The following KPNA5 variants were observed in gnomAD, a reference collection of about 807,000 sequenced individuals.
The protein encoded by KPNA5 is importin subunit alpha-6.
A neutral mutation model predicts 71.3 loss-of-function variants in KPNA5; 46 were observed. That is an observed-to-expected ratio of 0.65 (90% CI 0.51 to 0.83). The LOEUF (loss-of-function observed/expected upper bound fraction) is 0.83, where lower values mean the gene tolerates loss of function less well. Among genes scored for constraint, KPNA5 ranks in the 40% least tolerant of loss-of-function variants. KPNA5 has a pLI of 0.00. For synonymous variants in KPNA5, 207 were observed against 201.4 expected (o/e 1.03, Z -0.24); for missense variants, 547 against 628.3 (o/e 0.87, Z 1.38).
In KPNA5 at chr6:116,725,896, G is replaced by A. The variant is rs1173656638; in HGVS notation, c.1125+20G>A. 5.6e-6 allele frequency: 9 copies of A among 1,608,452 alleles called. No individual in the cohort carries two copies. Among genetic ancestry groups the A allele is most frequent in the Non-Finnish European group, 5.9e-6 (7 of 1,178,112 alleles). On this transcript the variant is annotated intron_variant, in intron 11 of 13. Coordinates refer to ENST00000368564, the MANE Select transcript of KPNA5 (RefSeq NM_001366306.2). ...ATTCAGGTAACTACCCTTCAGATCT[G>A]AGAGTAGAACAGCAAGGTCTAAGAA...
rs561792308 is a variant in KPNA5 at position 116,732,393 on chromosome 6, A to T, written c.*70A>T. On this transcript the variant is annotated 3_prime_UTR_variant, in exon 14 of 14. Transcript: ENST00000368564. ...GGTAACTCCTCTTTGTTGCCAATGTAAGAATGTTTGTTTTTTTACATAGAA... is the reference window on the plus strand; with the variant it reads ...GGTAACTCCTCTTTGTTGCCAATGTTAGAATGTTTGTTTTTTTACATAGAA... 12 of 851,520 alleles carry T rather than the reference A, an allele frequency of 1.4e-5. No homozygotes were observed. The East Asian group carries it at 3.1e-4, about 22-fold the overall frequency. The allele number at this position is 851,520 out of a possible 1,614,324, so 52.7% of individuals were successfully genotyped here.
intron 6 of KPNA5, among the ~76,000 whole-genome samples, chr6:116,704,058 GAC>G (rs1034498118): frequency 6.7e-6 from 1 of 149,548 alleles, no homozygotes; most frequent in Non-Finnish European, 1.5e-5. Context: ...TTTTTTTTGA[GAC>G]AGAGTCTTGC....
At chr6:116,705,681 A>G (rs1053679816) in intron 7 of KPNA5, among the ~76,000 whole-genome samples, 2 of 152,158 alleles carry the variant, frequency 1.3e-5, no homozygotes, top group African/African-American at 2.4e-5. Flanking sequence ...ATGACATAAA[A>G]TTTTTTGAAA....
At chr6:116,695,286 CT>C (rs528142312) in intron 4 of KPNA5, among the ~76,000 whole-genome samples, 26 of 150,498 alleles carry the variant, frequency 1.7e-4, no homozygotes, top group East Asian at 9.7e-4. Flanking sequence ...CATTATTTGG[CT>C]TTTTTTTTGT....
At chr6:116,729,075 G>A (rs888508182) in intron 12 of KPNA5, among the ~76,000 whole-genome samples, 5 of 151,118 alleles carry the variant, frequency 3.3e-5, no homozygotes, top group African/African-American at 1.2e-4. Flanking sequence ...CATTAGCTGT[G>A]ATTGTTTTTA....
chr6:116,729,771 T>C (rs1779416777), intron 13 of KPNA5, 30 bp downstream of exon 13: 2 of 1,355,844 alleles, frequency 1.5e-6, no homozygotes, highest in Non-Finnish European at 2.0e-6. Flanking sequence ...TTTGCAATTA[T>C]AGTCAGTTCT....
At position 116,739,101 on chromosome 6, in the gene KPNA5, C is replaced by A. The variant is rs1231617881; in HGVS notation, c.*6778C>A. The A allele has an allele frequency of 5.3e-5, 8 of 152,024 alleles. No homozygotes were observed. Among genetic ancestry groups the A allele is most frequent in the Non-Finnish European group, 1.0e-4 (7 of 68,006 alleles). The allele number at this position is 152,024 out of a possible 1,614,324, so 9.4% of individuals were successfully genotyped here. Reference sequence around the variant, plus strand: ...ATGACATGATTGTATATCTAGAAAACCCCATTGTCTAAGCCCAAAATCTCC... The same window carrying A: ...ATGACATGATTGTATATCTAGAAAAACCCATTGTCTAAGCCCAAAATCTCC... On this transcript the variant is annotated 3_prime_UTR_variant, in exon 14 of 14. Transcript: ENST00000368564.
chr6:116,739,050 G>C lies in KPNA5; in HGVS notation c.*6727G>C, dbSNP rs1254779381. ...TAAAGGGTATTCAATTAGGAAAAGAGGAAATCAAATTGTCCCTGTTTGCAG... is the reference window on the plus strand; with the variant it reads ...TAAAGGGTATTCAATTAGGAAAAGACGAAATCAAATTGTCCCTGTTTGCAG... On this transcript the variant is annotated 3_prime_UTR_variant, in exon 14 of 14. Transcript: ENST00000368564. 6.6e-6 allele frequency: 1 copy of C among 152,008 alleles called. No homozygotes were observed. The highest frequency in any genetic ancestry group is 1.9e-4 in the East Asian group (1 of 5,184). The allele number at this position is 152,008 out of a possible 1,614,324, so 9.4% of individuals were successfully genotyped here.
At chr6:116,715,400 GA>G (rs971629749) in intron 7 of KPNA5, among the ~76,000 whole-genome samples, 4 of 151,624 alleles carry the variant, frequency 2.6e-5, no homozygotes, top group African/African-American at 9.7e-5. Context: ...GTTATGCTTT[GA>G]AAAAAATACC....
At chr6:116,711,241 G>C (rs959312621) in intron 7 of KPNA5, among the ~76,000 whole-genome samples, 2 of 140,396 alleles carry the variant, frequency 1.4e-5, no homozygotes, top group Admixed American at 7.5e-5. Flanking sequence ...CTAGATAAAG[G>C]CTTGTTTTTG....
intron 7 of KPNA5, among the ~76,000 whole-genome samples, chr6:116,715,918 A>AAG (rs936163759): frequency 6.9e-4 from 105 of 152,046 alleles, no homozygotes; most frequent in African/African-American, 2.5e-3. Context: ...CTGACTCAAA[A>AAG]AAAAAAAGAA....
At chr6:116,732,074 T>TCA (rs1554258547) in intron 13 of KPNA5, 62 bp from the exon 14 acceptor site, 2 of 66,302 alleles carry the variant, frequency 3.0e-5, no homozygotes, top group East Asian at 4.2e-4. Flanking sequence ...AACAGTTTGT[T>TCA]TATATATATA....
chr6:116,729,650 A>G lies in KPNA5; in HGVS notation c.1341A>G (p.Gly447=), dbSNP rs1382449983. The G allele has an allele frequency of 6.2e-7, 1 of 1,610,968 alleles. No individual in the cohort carries two copies. The change falls in exon 13 of 14, where the codon GGA becomes GGG. Residue 447 remains glycine, a synonymous_variant. Coordinates refer to ENST00000368564, the MANE Select transcript of KPNA5 (RefSeq NM_001366306.2). ...AAATAGTCCAAGTGGCTTTAAATGG[A>G]CTTGAAAATATTTTACGTCTTGGAG... is the stretch of plus-strand genomic sequence containing the variant. The part of the protein sequence containing the change: ...DSKIVQVALN[G]LENILRLGEQ...
intron 7 of KPNA5, among the ~76,000 whole-genome samples, chr6:116,712,211 G>A (rs977907545): frequency 6.6e-6 from 1 of 152,158 alleles, no homozygotes; most frequent in African/African-American, 2.4e-5. Context: ...AAAGTGCTGG[G>A]ATTACAAGCA....
chr6:116,722,167 C>T lies in KPNA5; in HGVS notation c.798C>T (p.Ser266=), dbSNP rs1583441125. ...ATGTCCTGTCACGACTGTTGTTTAGCAGTGACCCAGATGTGTTAGCAGACG... is the reference window on the plus strand; with the variant it reads ...ATGTCCTGTCACGACTGTTGTTTAGTAGTGACCCAGATGTGTTAGCAGACG... ...CLNVLSRLLF[S]SDPDVLADVC... is the part of the protein sequence containing the mutation. Residue 266 remains serine (S), a synonymous_variant, in exon 9 of 14, where the codon AGC becomes AGT. Transcript: ENST00000368564. 4 of 1,610,368 alleles carry T rather than the reference C, an allele frequency of 2.5e-6. No individual in the cohort carries two copies. Among genetic ancestry groups the T allele is most frequent in the Non-Finnish European group, 3.4e-6 (4 of 1,177,798 alleles).
At chr6:116,711,051 TG>T (rs1778656686) in intron 7 of KPNA5, among the ~76,000 whole-genome samples, 1 of 151,026 alleles carries the variant, frequency 6.6e-6, no homozygotes. Context: ...CATGCCACCA[TG>T]CCTGGCTAAT....
rs1014500807 is a variant in KPNA5 at position 116,740,435 on chromosome 6, G to C, written c.*8112G>C. On this transcript the variant is annotated 3_prime_UTR_variant, in exon 14 of 14. Transcript: ENST00000368564. ...TTCAAGCATTGTGGAAGTCAGTTTG[G>C]CGATTCCTCAGTGATCTAGAACTAG... The C allele has an allele frequency of 5.3e-5, 8 of 152,188 alleles. No individual in the cohort carries two copies. Among genetic ancestry groups the C allele is most frequent in the African/African-American group, 1.9e-4 (8 of 41,422 alleles). The allele number at this position is 152,188 out of a possible 1,614,324, so 9.4% of individuals were successfully genotyped here. A position where few individuals can be genotyped will look rare whatever the true frequency, so the allele number is the denominator to read the frequency against.
chr6:116,695,409 A>G (rs535208323), intron 4 of KPNA5, among the ~76,000 whole-genome samples: 1 of 152,264 alleles, frequency 6.6e-6, no homozygotes, highest in East Asian at 1.9e-4. Flanking sequence ...TTAAATAAAA[A>G]TTTAAATCTT....
intron 2 of KPNA5, 133 bp downstream of exon 2, chr6:116,689,586 A>G (rs1363646107): frequency 3.8e-5 from 27 of 715,332 alleles, no homozygotes; most frequent in Non-Finnish European, 5.4e-5. Flanking sequence ...TCCAGGCATC[A>G]TAATTGCAAA....
Sources: allele counts gnomAD v4.1 joint callset (sites outside exome capture counted in the v4.1 genomes callset), GRCh38; gene constraint gnomAD v4.1.1; transcripts MANE v1.5; gene names NCBI Gene and HGNC (gene_info 2026-07-23, HGNC 2026-07-21).